SLC4A5: variants seen among roughly 807,000 people sequenced by gnomAD.
SLC4A5 encodes the protein electrogenic sodium bicarbonate cotransporter 4.
Under a neutral mutation model 120.4 loss-of-function variants are expected in SLC4A5, and 96 were observed. The observed-to-expected ratio is 0.80, with a 90% CI of 0.68 to 0.94. The LOEUF (loss-of-function observed/expected upper bound fraction) is 0.94, where lower values mean the gene tolerates loss of function less well. Among genes scored for constraint, SLC4A5 ranks in the 40% least tolerant of loss-of-function variants. SLC4A5 has a pLI of 0.00. For missense variants in SLC4A5, 1,259 were observed against 1,459.5 expected, an observed-to-expected ratio of 0.86 and a Z score of 2.24; for synonymous variants, 550 against 571.1, an observed-to-expected ratio of 0.96 and a Z score of 0.53.
chr2:74,261,717 G>A lies in SLC4A5; in HGVS notation c.811+420C>T, dbSNP rs116723615. ...CTGCCCACATTTCTTCTCCATGGTG[G>A]CATGAGACTGCCACCCAGTGATGGG... On this transcript the variant is annotated intron_variant, in intron 11 of 30. Coordinates refer to ENST00000394019, the Ensembl canonical transcript of SLC4A5. 9.3e-3 allele frequency among the ~76,000 whole-genome samples: 1,423 copies of A among 152,204 alleles called. 8 individuals carry two copies. Among genetic ancestry groups the A allele is most frequent in the Non-Finnish European group, 0.013 (906 of 68,016 alleles).
rs141640179 is a variant in SLC4A5, at chr2:74,294,624, G to A, written c.272-8722C>T. ...ATCCCGCTTCTTTCATCTGACAGAG[G>A]CCAGTGGGGACGGAGAAAGGAGAGA... is the stretch of plus-strand genomic sequence containing the variant. On this transcript the variant is annotated intron_variant, in intron 7 of 30. Transcript: ENST00000394019. Among the ~76,000 whole-genome samples the A allele has an allele frequency of 5.0e-3, 763 of 152,162 alleles. 4 individuals are homozygous for A. Among genetic ancestry groups the A allele is most frequent in the African/African-American group, 0.016 (664 of 41,508 alleles).
At chr2:74,234,336 G>T (rs866686332) in intron 22 of SLC4A5, among the ~76,000 whole-genome samples, 1 of 151,958 alleles carries the variant, frequency 6.6e-6, no homozygotes, top group Non-Finnish European at 1.5e-5. Flanking sequence ...CCGCCACCAC[G>T]CCCGGCTAAT....
intron 7 of SLC4A5, among the ~76,000 whole-genome samples, chr2:74,298,962 G>C (rs1672402390): frequency 6.6e-6 from 1 of 152,184 alleles, no homozygotes; most frequent in Admixed American, 6.5e-5. Flanking sequence ...ATCTCATCTT[G>C]AATTGTAGCT....
At chr2:74,334,671 C>G (rs1315475899) in intron 3 of SLC4A5, among the ~76,000 whole-genome samples, 2 of 151,902 alleles carry the variant, frequency 1.3e-5, no homozygotes, top group Non-Finnish European at 2.9e-5. Context: ...AGAATAGAGC[C>G]TGGCTCATAA....
intron 4 of SLC4A5, among the ~76,000 whole-genome samples, chr2:74,333,194 A>G (rs1673403691): frequency 6.6e-6 from 1 of 152,214 alleles, no homozygotes; most frequent in African/African-American, 2.4e-5. Flanking sequence ...TAGTGGTCAG[A>G]AATGCTGCTA....
chr2:74,277,095 T>C (rs1671668090), intron 8 of SLC4A5, among the ~76,000 whole-genome samples: 1 of 152,196 alleles, frequency 6.6e-6, no homozygotes, highest in African/African-American at 2.4e-5. Flanking sequence ...TGAGTTAGCC[T>C]GAGTGGGCTT....
chr2:74,314,704 T>C (rs1672909297), intron 6 of SLC4A5, among the ~76,000 whole-genome samples: 1 of 152,218 alleles, frequency 6.6e-6, no homozygotes, highest in African/African-American at 2.4e-5. Context: ...ACATTTTGTG[T>C]TGGGGAAGCT....
chr2:74,284,861 A>G (rs1558894851), intron 8 of SLC4A5, among the ~76,000 whole-genome samples: 1 of 151,958 alleles, frequency 6.6e-6, no homozygotes, highest in East Asian at 1.9e-4. Context: ...GCTTTTCTCC[A>G]TGGCTCCAAC....
At chr2:74,284,975 C>T (rs1489672635) in intron 8 of SLC4A5, among the ~76,000 whole-genome samples, 3 of 152,186 alleles carry the variant, frequency 2.0e-5, no homozygotes, top group African/African-American at 4.8e-5. Flanking sequence ...AAGAAGCCCT[C>T]GCTGTCTACC....
At chr2:74,229,003 GT>G (rs1694957154) in intron 25 of SLC4A5, among the ~76,000 whole-genome samples, 1 of 151,674 alleles carries the variant, frequency 6.6e-6, no homozygotes, top group Non-Finnish European at 1.5e-5. Flanking sequence ...CCTCCTTGTG[GT>G]CATGTTAGAG....
At chr2:74,235,433 G>A (rs577039619) in intron 21 of SLC4A5, among the ~76,000 whole-genome samples, 1 of 152,316 alleles carries the variant, frequency 6.6e-6, no homozygotes, top group South Asian at 2.1e-4. Flanking sequence ...GTAAAATGGA[G>A]ATGATGGTAG....
chr2:74,308,878 T>C (rs1047179172), intron 6 of SLC4A5, among the ~76,000 whole-genome samples: 2 of 152,056 alleles, frequency 1.3e-5, no homozygotes, highest in Non-Finnish European at 2.9e-5. Context: ...TAAGATCCAC[T>C]CTGAGATGAT....
intron 5 of SLC4A5, among the ~76,000 whole-genome samples, chr2:74,325,455 G>C (rs1673196461): frequency 6.6e-6 from 1 of 152,158 alleles, no homozygotes; most frequent in Non-Finnish European, 1.5e-5. Flanking sequence ...TGCAGAAGTA[G>C]AAGAACCCAA....
At chr2:74,289,400 T>C (rs938103432) in intron 7 of SLC4A5, among the ~76,000 whole-genome samples, 1 of 152,108 alleles carries the variant, frequency 6.6e-6, no homozygotes, top group South Asian at 2.1e-4. Context: ...CACTGCAACC[T>C]CCACCACCTG....
At chr2:74,227,683 T>C (rs910314374) in intron 26 of SLC4A5, 127 bp downstream of exon 26, 1 of 1,162,222 alleles carries the variant, frequency 8.6e-7, no homozygotes, top group Non-Finnish European at 1.2e-6. Context: ...ATTATTACTA[T>C]TATTCTTTCA....
chr2:74,290,427 A>G (rs2104196502), intron 7 of SLC4A5: 1 of 984,898 alleles, frequency 1.0e-6, no homozygotes, highest in East Asian at 1.1e-4. Flanking sequence ...GGGGGGTTTG[A>G]GGGGAGAAAA....
intron 19 of SLC4A5, among the ~76,000 whole-genome samples, chr2:74,242,778 G>C (rs936098382): frequency 6.6e-6 from 1 of 152,088 alleles, no homozygotes; most frequent in Non-Finnish European, 1.5e-5. Flanking sequence ...TCACCCTCCC[G>C]AGTAGCTGGG....
rs1694639160 is a variant in SLC4A5 at position 74,221,420 on chromosome 2, C to G, written c.*33+14G>C. The G allele has an allele frequency of 6.3e-7, 1 of 1,593,824 alleles. No individual in the cohort carries two copies. Among genetic ancestry groups the G allele is most frequent in the South Asian group, 1.1e-5 (1 of 90,618 alleles). On this transcript the variant is annotated intron_variant, in intron 30 of 30. Coordinates refer to ENST00000394019, the Ensembl canonical transcript of SLC4A5. ...CTTACCTAATACGCAAGGAGTCTAC[C>G]TAACAGTGTTTACCTTCGGTCAAGT...
At chr2:74,289,609 A>G (rs1672095777) in intron 7 of SLC4A5, among the ~76,000 whole-genome samples, 1 of 152,162 alleles carries the variant, frequency 6.6e-6, no homozygotes, top group South Asian at 2.1e-4. Flanking sequence ...GAGCCACTGG[A>G]CCCAGCCTAT....
Sources: gnomAD v4.1 joint callset for allele counts (sites outside exome capture counted in the v4.1 genomes callset) on GRCh38, gnomAD v4.1.1 for gene constraint, MANE v1.5 for transcripts, NCBI Gene and HGNC (gene_info 2026-07-23, HGNC 2026-07-21) for gene names.